Variants in SRGAP3 observed in about 807,000 individuals in gnomAD.
SRGAP3 encodes the protein SLIT-ROBO Rho GTPase-activating protein 3.
SRGAP3 carries 39 observed loss-of-function variants against 121.1 expected under a neutral mutation model. The observed-to-expected ratio is 0.32, with a 90% confidence interval of 0.25 to 0.42. SRGAP3 has a LOEUF of 0.42. Ranked by LOEUF, SRGAP3 falls within the 10% of genes least tolerant of loss-of-function variation. The pLI, the probability that SRGAP3 is intolerant of heterozygous loss-of-function variation, is 1.00. For synonymous variants in SRGAP3, 601 were observed against 570.0 expected (o/e 1.05, Z -0.77); for missense variants, 1,213 against 1,470.6 (o/e 0.82, Z 2.86).
At chr3:9,046,997 A>T (rs972375389) in intron 10 of SRGAP3, among the ~76,000 whole-genome samples, 6 of 151,482 alleles carry the variant, frequency 4.0e-5, no homozygotes, top group African/African-American at 1.5e-4. Context: ...CGCCCGGCTA[A>T]TTTTTTGTAT....
At position 9,258,365 on chromosome 3, in the gene SRGAP3, CAG is replaced by C. The variant is rs549979111; in HGVS notation, n.442+67643_442+67644del. Among the ~76,000 whole-genome samples, 90 of 152,216 alleles carry C rather than the reference CAG, an allele frequency of 5.9e-4. 1 individual carries two copies. The highest frequency in any genetic ancestry group is 2.2e-3 in the African/African-American group (90 of 41,536). On this transcript the variant is annotated intron_variant and non_coding_transcript_variant, in intron 3 of 3. Coordinates refer to the SRGAP3 transcript ENST00000490889. ...GGTATAGCTGGAGCAGAGTGCCAGG[CAG>C]AGAGTGGGAGAGGTGATGCTGGACA...
chr3:9,307,688 A>G (rs1273659985), intron 3 of SRGAP3, among the ~76,000 whole-genome samples: 1 of 152,264 alleles, frequency 6.6e-6, no homozygotes, highest in Non-Finnish European at 1.5e-5. Flanking sequence ...CACAGATGGC[A>G]TCTTTGGCAA....
intron 1 of SRGAP3, chr3:9,217,392 C>T (rs528405481): frequency 4.6e-5 from 7 of 152,252 alleles, no homozygotes; most frequent in African/African-American, 1.7e-4. Flanking sequence ...ATTGCTTCTT[C>T]AAGACCCTCC....
intron 18 of SRGAP3, chr3:9,006,893 A>G (rs1030140653): frequency 4.7e-5 from 7 of 150,338 alleles, no homozygotes; most frequent in East Asian, 2.0e-4. Context: ...AGCAAGCACT[A>G]TGGAATTTCC....
intron 1 of SRGAP3, among the ~76,000 whole-genome samples, chr3:9,176,200 G>A (rs1436490758): frequency 2.6e-5 from 4 of 152,132 alleles, no homozygotes; most frequent in African/African-American, 7.2e-5. Flanking sequence ...GATTACAGGC[G>A]TGAGCAACCA....
intron 11 of SRGAP3, chr3:9,034,558 G>T (rs114335814): frequency 6.6e-6 from 1 of 152,094 alleles, no homozygotes; most frequent in Non-Finnish European, 1.5e-5. Flanking sequence ...TACATGCATG[G>T]GCAAAAACCA....
chr3:9,027,615 G>T (rs1290398696), intron 12 of SRGAP3, among the ~76,000 whole-genome samples: 1 of 152,212 alleles, frequency 6.6e-6, no homozygotes, highest in Non-Finnish European at 1.5e-5. Flanking sequence ...CCATCCAGGG[G>T]CCAACCTTAC....
intron 1 of SRGAP3, among the ~76,000 whole-genome samples, chr3:9,357,507 G>C (rs2030583381): frequency 6.6e-6 from 1 of 150,986 alleles, no homozygotes; most frequent in Admixed American, 6.6e-5. Flanking sequence ...CTCCCAATTA[G>C]CTGAGATTAC....
chr3:9,058,813 G>A (rs555029952), intron 6 of SRGAP3: 9 of 288,346 alleles, frequency 3.1e-5, no homozygotes, highest in Non-Finnish European at 4.7e-5. Context: ...TCCGCCTCCC[G>A]GGTTCAATCG....
intron 1 of SRGAP3, among the ~76,000 whole-genome samples, chr3:9,219,965 T>C (rs1952755056): frequency 6.6e-6 from 1 of 152,170 alleles, no homozygotes; most frequent in Non-Finnish European, 1.5e-5. Flanking sequence ...CTCATTCATA[T>C]GTGGGAGCTA....
At position 9,065,016 on chromosome 3, in the gene SRGAP3, G is replaced by A. The variant is rs553593007; in HGVS notation, c.487-435C>T. 4.5e-4 allele frequency among the ~76,000 whole-genome samples: 69 copies of A among 152,146 alleles called. 1 individual carries two copies. The highest frequency in any genetic ancestry group is 1.6e-3 in the African/African-American group (65 of 41,514). ...CCAGTAGTGACTGTGGCATCCCTCC[G>A]TCTCCTCCCAGTGCCGCGGGGAAAG... On this transcript the variant is annotated intron_variant, in intron 4 of 21. Transcript: ENST00000383836.
chr3:9,071,881 T>C (rs367677022), intron 4 of SRGAP3, among the ~76,000 whole-genome samples: 2 of 152,100 alleles, frequency 1.3e-5, no homozygotes, highest in South Asian at 2.1e-4. Context: ...AAATACAGTA[T>C]AGAAGACAGT....
At chr3:9,347,092 C>A (rs1476923056) in intron 1 of SRGAP3, among the ~76,000 whole-genome samples, 2 of 152,130 alleles carry the variant, frequency 1.3e-5, no homozygotes, top group Non-Finnish European at 1.5e-5. Flanking sequence ...CCGTGCCCAG[C>A]CAACTAAAAG....
chr3:9,213,072 G>A (rs533567971), intron 1 of SRGAP3, among the ~76,000 whole-genome samples: 8 of 152,234 alleles, frequency 5.3e-5, no homozygotes, highest in African/African-American at 1.9e-4. Flanking sequence ...CCCACTTCTC[G>A]ACCTGGTGTC....
chr3:9,035,449 C>G (rs1395057999), intron 11 of SRGAP3: 1 of 176,474 alleles, frequency 5.7e-6, no homozygotes, highest in Non-Finnish European at 1.2e-5. Context: ...GAATCTCTGA[C>G]AAGGAAACGT....
In SRGAP3 at chr3:9,278,013, G is replaced by A. The variant is rs548610354; in HGVS notation, n.442+47997C>T. Among the ~76,000 whole-genome samples the A allele has an allele frequency of 5.3e-5, 8 of 152,262 alleles. No individual in the cohort carries two copies. The East Asian group carries it at 5.8e-4, about 11-fold the overall frequency. ...AGCTGGAAGATGCCATCTATGAACC[G>A]GAAAGCAGACCCTCACCAGACACGG... On this transcript the variant is annotated intron_variant and non_coding_transcript_variant, in intron 3 of 3. Transcript: ENST00000490889.
intron 18 of SRGAP3, chr3:9,006,954 C>CTTTTT (rs891322969): frequency 6.6e-5 from 7 of 106,600 alleles, no homozygotes; most frequent in African/African-American, 1.1e-4. Context: ...GGTATAGAAT[C>CTTTTT]TTTTTTTTTT....
chr3:9,022,919 C>A (rs1470470699), intron 14 of SRGAP3, among the ~76,000 whole-genome samples: 2 of 152,166 alleles, frequency 1.3e-5, no homozygotes, highest in African/African-American at 4.8e-5. Context: ...CTGAGGCAAC[C>A]CAAGGCTTGT....
chr3:9,272,653 C>T (rs1559253971), intron 3 of SRGAP3, among the ~76,000 whole-genome samples: 1 of 152,114 alleles, frequency 6.6e-6, no homozygotes. Context: ...AAATTTGATA[C>T]ATCAATGGAC....
Sources: gnomAD v4.1 joint callset for allele counts (sites outside exome capture counted in the v4.1 genomes callset) on GRCh38, gnomAD v4.1.1 for gene constraint, MANE v1.5 for transcripts, NCBI Gene and HGNC (gene_info 2026-07-23, HGNC 2026-07-21) for gene names.